The following PDE10A variants were observed in gnomAD, a reference collection of about 807,000 sequenced individuals.
PDE10A encodes the protein phosphodiesterase 10A.
A neutral mutation model predicts 97.7 loss-of-function variants in PDE10A; 39 were observed. The ratio of observed to expected loss-of-function variants is 0.40; its 90% CI spans 0.31 to 0.52. The LOEUF (loss-of-function observed/expected upper bound fraction) is 0.52, where lower values mean the gene tolerates loss of function less well. Ranked by LOEUF, PDE10A falls within the 20% of genes least tolerant of loss-of-function variation. The pLI is 0.56. For missense variants in PDE10A, 731 were observed against 1,047.8 expected (o/e 0.70, Z 4.17); for synonymous variants, 371 against 376.8 (o/e 0.98, Z 0.18).
At chr6:165,654,568 G>A (rs530151647) in intron 1 of PDE10A, among the ~76,000 whole-genome samples, 54 of 145,910 alleles carry the variant, frequency 3.7e-4, no homozygotes, top group Non-Finnish European at 5.9e-4. Context: ...CATTCTACTC[G>A]CCCTGTCCTC....
intron 1 of PDE10A, among the ~76,000 whole-genome samples, chr6:165,629,649 C>G (rs958986886): frequency 1.3e-5 from 2 of 151,842 alleles, no homozygotes; most frequent in South Asian, 4.2e-4. Flanking sequence ...TCTTCCCACC[C>G]CAGCCTCCCG....
At chr6:165,338,782 C>T (rs1276268800) in intron 20 of PDE10A, among the ~76,000 whole-genome samples, 1 of 152,178 alleles carries the variant, frequency 6.6e-6, no homozygotes, top group African/African-American at 2.4e-5. Flanking sequence ...AGAAAGGAGT[C>T]GTGGCCAAGG....
chr6:165,762,806 G>A (rs1001111371), intron 1 of PDE10A, among the ~76,000 whole-genome samples: 1 of 152,154 alleles, frequency 6.6e-6, no homozygotes, highest in Non-Finnish European at 1.5e-5. Flanking sequence ...CTGGAATGGT[G>A]TTCCATGCAG....
At chr6:165,929,152 A>T (rs1783042709) in intron 1 of PDE10A, among the ~76,000 whole-genome samples, 1 of 152,348 alleles carries the variant, frequency 6.6e-6, no homozygotes, top group South Asian at 2.1e-4. Context: ...AATTCAGTCT[A>T]CAGCCTCACA....
intron 1 of PDE10A, among the ~76,000 whole-genome samples, chr6:165,686,397 G>A (rs1256832632): frequency 2.6e-5 from 4 of 152,084 alleles, no homozygotes; most frequent in Non-Finnish European, 5.9e-5. Flanking sequence ...TCTCCTCTTT[G>A]CAGCGCTTGT....
At chr6:165,759,156 G>A (rs1246293565) in intron 1 of PDE10A, among the ~76,000 whole-genome samples, 2 of 151,928 alleles carry the variant, frequency 1.3e-5, no homozygotes, top group Non-Finnish European at 2.9e-5. Flanking sequence ...TAATATGAGG[G>A]ACTCTTTTCT....
intron 1 of PDE10A, among the ~76,000 whole-genome samples, chr6:165,771,472 T>G (rs951046575): frequency 6.6e-6 from 1 of 152,016 alleles, no homozygotes; most frequent in African/African-American, 2.4e-5. Context: ...AGGTTCTGAT[T>G]TGGAGGCAAG....
At chr6:165,683,505 G>A (rs138501680) in intron 1 of PDE10A, among the ~76,000 whole-genome samples, 9 of 152,332 alleles carry the variant, frequency 5.9e-5, no homozygotes, top group African/African-American at 1.9e-4. Context: ...CTGTGGGTGT[G>A]GGAGAGATGG....
chr6:165,707,663 G>A (rs1029296408), intron 1 of PDE10A, among the ~76,000 whole-genome samples: 1 of 151,552 alleles, frequency 6.6e-6, no homozygotes, highest in Non-Finnish European at 1.5e-5. Context: ...ATATGTGAGC[G>A]TGTGTGTGTA....
chr6:165,694,064 T>C (rs1277829494), intron 1 of PDE10A, among the ~76,000 whole-genome samples: 1 of 152,230 alleles, frequency 6.6e-6, no homozygotes, highest in Non-Finnish European at 1.5e-5. Context: ...TCAACACTTA[T>C]GTGCAAAAAT....
chr6:165,358,307 A>G (rs1783165596), intron 18 of PDE10A, among the ~76,000 whole-genome samples: 4 of 152,080 alleles, frequency 2.6e-5, no homozygotes, highest in Admixed American at 2.6e-4. Flanking sequence ...AAACTCTCCA[A>G]CTAGGATTTT....
chr6:165,494,436 T>C (rs1214257028), intron 2 of PDE10A, among the ~76,000 whole-genome samples: 1 of 138,800 alleles, frequency 7.2e-6, no homozygotes, highest in African/African-American at 2.9e-5. Context: ...CATCAATGAA[T>C]GAGTGGATAA....
At chr6:165,928,181 A>C (rs1369893358) in intron 1 of PDE10A, among the ~76,000 whole-genome samples, 2 of 152,172 alleles carry the variant, frequency 1.3e-5, no homozygotes, top group Admixed American at 6.5e-5. Flanking sequence ...ACTCAGAAGT[A>C]GGTAAAAAGG....
chr6:165,937,839 C>T (rs972009846), intron 1 of PDE10A, among the ~76,000 whole-genome samples: 6 of 152,124 alleles, frequency 3.9e-5, no homozygotes, highest in Admixed American at 1.3e-4. Flanking sequence ...ACAAACTGAC[C>T]TTCTAATAAA....
intron 1 of PDE10A, among the ~76,000 whole-genome samples, chr6:165,900,824 T>C (rs2128484133): frequency 1.3e-5 from 2 of 152,308 alleles, no homozygotes; most frequent in Middle Eastern, 6.8e-3. Context: ...ACTCTCATAG[T>C]TCCTGCATGC....
Position 165,332,981 on chromosome 6 carries a change from G to T in PDE10A, c.*44C>A. On this transcript the variant is annotated 3_prime_UTR_variant, in exon 22 of 22. Transcript: ENST00000539869. ...AAGGAAAAGAATGTCAAAGAAGCAAGATGAGGATCTGTAGGTGGGACAGCG... is the reference window on the plus strand; with the variant it reads ...AAGGAAAAGAATGTCAAAGAAGCAATATGAGGATCTGTAGGTGGGACAGCG... 1 of 900,396 alleles carries T rather than the reference G, an allele frequency of 1.1e-6. No homozygotes were observed. Among genetic ancestry groups the T allele is most frequent in the Non-Finnish European group, 1.8e-6 (1 of 550,506 alleles). The allele number at this position is 900,396 out of a possible 1,614,324, so 55.8% of individuals were successfully genotyped here. A position where few individuals can be genotyped will look rare whatever the true frequency, so the allele number is the denominator to read the frequency against.
chr6:165,502,792 A>G (rs1780965045), intron 2 of PDE10A, among the ~76,000 whole-genome samples: 1 of 152,204 alleles, frequency 6.6e-6, no homozygotes, highest in Non-Finnish European at 1.5e-5. Context: ...AAATTCTATG[A>G]ACTATAATGA....
chr6:165,869,776 A>G (rs1343798982), intron 1 of PDE10A, among the ~76,000 whole-genome samples: 1 of 152,122 alleles, frequency 6.6e-6, no homozygotes, highest in Non-Finnish European at 1.5e-5. Flanking sequence ...AGAATAGAGA[A>G]TCAGAAACAA....
intron 1 of PDE10A, among the ~76,000 whole-genome samples, chr6:165,830,021 C>T (rs1779866902): frequency 6.6e-6 from 1 of 152,190 alleles, no homozygotes; most frequent in Non-Finnish European, 1.5e-5. Flanking sequence ...TAAACTGAAA[C>T]TTCAGATAAC....
Sources: allele counts gnomAD v4.1 joint callset (sites outside exome capture counted in the v4.1 genomes callset), GRCh38; gene constraint gnomAD v4.1.1; transcripts MANE v1.5; gene names NCBI Gene and HGNC (gene_info 2026-07-23, HGNC 2026-07-21).